RFC1: variants seen among roughly 807,000 people sequenced by gnomAD.
RFC1 encodes A1 140 kDa subunit.
A neutral mutation model predicts 137.4 loss-of-function variants in RFC1; 37 were observed. The ratio of observed to expected loss-of-function variants is 0.27; its 90% CI spans 0.21 to 0.35. The LOEUF (loss-of-function observed/expected upper bound fraction) is 0.35. RFC1 is among the 10% of genes least tolerant of loss of function. The pLI is 1.00. For synonymous variants in RFC1, 429 were observed against 455.7 expected (o/e 0.94, Z 0.75); for missense variants, 1,205 against 1,358.5 (o/e 0.89, Z 1.78).
chr4:39,288,655 T>C lies in RFC1; in HGVS notation c.*106A>G. ...TATAATGGGACACCAGGTCATCCCA[T>C]TATGCTAAAACATGGTTGCTCTGGG... is the stretch of plus-strand genomic sequence containing the variant. On this transcript the variant is annotated 3_prime_UTR_variant, in exon 25 of 25. Coordinates refer to ENST00000349703, the MANE Select transcript of RFC1 (RefSeq NM_002913.5). The C allele has an allele frequency of 1.4e-6, 1 of 736,462 alleles. No homozygotes were observed. 45.6% of individuals were successfully genotyped at this position (736,462 alleles called of 1,614,324 possible).
At position 39,303,155 on chromosome 4, in the gene RFC1, A is replaced by T. The variant is rs1219109264; in HGVS notation, c.2111-4T>A. ...CTTACTGAAGAGGCTGCTCCATCTG[A>T]CCCAGGTTGAGGAGCAATGGGATGA... is the stretch of plus-strand genomic sequence containing the variant. On this transcript the variant is annotated splice_polypyrimidine_tract_variant and splice_region_variant and intron_variant, in intron 15 of 24. Coordinates refer to ENST00000349703, the MANE Select transcript of RFC1 (RefSeq NM_002913.5). 6.2e-7 allele frequency: 1 copy of T among 1,608,024 alleles called. No individual in the cohort carries two copies. The highest frequency in any genetic ancestry group is 1.1e-5 in the South Asian group (1 of 90,980).
intron 22 of RFC1, among the ~76,000 whole-genome samples, chr4:39,294,797 G>A (rs1737892022): frequency 6.6e-6 from 1 of 152,210 alleles, no homozygotes; most frequent in Admixed American, 6.5e-5. Flanking sequence ...GAGGACAGGA[G>A]TTCAAGACCA....
At chr4:39,339,993 T>C (rs756192823) in intron 4 of RFC1, among the ~76,000 whole-genome samples, 21 of 152,364 alleles carry the variant, frequency 1.4e-4, no homozygotes, top group Non-Finnish European at 2.4e-4. Flanking sequence ...TTAATATTTA[T>C]TGAGCATTTA....
chr4:39,342,972 A>G (rs1337170875), intron 3 of RFC1, among the ~76,000 whole-genome samples: 1 of 151,648 alleles, frequency 6.6e-6, no homozygotes, highest in African/African-American at 2.4e-5. Flanking sequence ...CCCTTTTTCT[A>G]CCTCCCTATT....
At chr4:39,344,019 C>T (rs1740730045) in intron 3 of RFC1, among the ~76,000 whole-genome samples, 1 of 151,504 alleles carries the variant, frequency 6.6e-6, no homozygotes, top group Admixed American at 6.6e-5. Context: ...GAGGCTGAGG[C>T]AGGAGAATCG....
intron 10 of RFC1, among the ~76,000 whole-genome samples, chr4:39,315,384 C>T (rs1739188404): frequency 6.6e-6 from 1 of 152,228 alleles, no homozygotes; most frequent in African/African-American, 2.4e-5. Flanking sequence ...TTTTGGTTTC[C>T]ACCCTCTTCT....
At chr4:39,290,111 A>T (rs1737588493) in intron 23 of RFC1, 72 bp from the exon 24 acceptor site, 9 of 1,141,058 alleles carry the variant, frequency 7.9e-6, no homozygotes, top group Non-Finnish European at 1.0e-5. Context: ...CTGTAAGCCT[A>T]AAGAGACCCT....
intron 4 of RFC1, among the ~76,000 whole-genome samples, chr4:39,336,361 A>G (rs531408336): frequency 3.0e-4 from 45 of 152,344 alleles, no homozygotes; most frequent in African/African-American, 9.4e-4. Flanking sequence ...GTTTAGTGAC[A>G]ATGCTATACA....
rs17288069 is a variant in RFC1, at chr4:39,334,631, CA to C, written c.332-6876del. ...ATTCCGCCTCATAGGAAGCCAAAGG[CA>C]AACTATGTTCTCTTCTCCCCAGAAA... On this transcript the variant is annotated intron_variant, in intron 4 of 24. Transcript: ENST00000349703. 2.0e-3 allele frequency among the ~76,000 whole-genome samples: 307 copies of C among 152,266 alleles called. 1 individual carries two copies. Among genetic ancestry groups the C allele is most frequent in the African/African-American group, 7.1e-3 (294 of 41,566 alleles).
intron 1 of RFC1, chr4:39,355,929 G>C (rs1231627891): frequency 6.6e-6 from 1 of 151,424 alleles, no homozygotes; most frequent in East Asian, 1.9e-4. Flanking sequence ...TTGAACCCGG[G>C]AGGTGGAGGC....
chr4:39,324,114 A>G (rs929959831), intron 6 of RFC1, among the ~76,000 whole-genome samples: 4 of 152,224 alleles, frequency 2.6e-5, no homozygotes, highest in Non-Finnish European at 5.9e-5. Flanking sequence ...ATTATAAACC[A>G]AATGGCTGTA....
intron 15 of RFC1, among the ~76,000 whole-genome samples, chr4:39,304,307 C>T (rs930489449): frequency 6.6e-6 from 1 of 152,140 alleles, no homozygotes; most frequent in African/African-American, 2.4e-5. Context: ...ACTACCTTTG[C>T]CTGCAGTGAC....
chr4:39,288,993 C>A (rs1737518932), intron 24 of RFC1, 149 bp from the exon 25 acceptor site: 3 of 627,392 alleles, frequency 4.8e-6, no homozygotes, highest in African/African-American at 1.9e-5. Flanking sequence ...CTACTGCAAC[C>A]CATGAAGCGC....
chr4:39,355,647 A>G (rs978923053), intron 1 of RFC1, among the ~76,000 whole-genome samples: 4 of 152,214 alleles, frequency 2.6e-5, no homozygotes, highest in Admixed American at 6.5e-5. Context: ...GATAATGCCC[A>G]TATCTGTCAA....
chr4:39,303,295 A>AAAT, intron 15 of RFC1, 144 bp from the exon 16 acceptor site: 2 of 581,300 alleles, frequency 3.4e-6, no homozygotes, highest in Non-Finnish European at 3.0e-6. Flanking sequence ...GAGTGTTGTT[A>AAAT]AAGAAAAAAA....
At chr4:39,348,612 G>A (rs1175822403) in intron 2 of RFC1, among the ~76,000 whole-genome samples, 1 of 151,862 alleles carries the variant, frequency 6.6e-6, no homozygotes, top group East Asian at 1.9e-4. Context: ...AATGAAAGAA[G>A]GCTGTCAGAC....
At chr4:39,348,066 C>T (rs528401087) in intron 2 of RFC1, among the ~76,000 whole-genome samples, 1 of 152,198 alleles carries the variant, frequency 6.6e-6, no homozygotes, top group Admixed American at 6.5e-5. Context: ...AGAAACCGGT[C>T]AGCCAAAAGG....
Position 39,366,225 on chromosome 4 carries a change from C to G in RFC1, c.3+14G>C, listed in dbSNP as rs745362625. ...CCCAGACCCCGAGCCGCACGGCCTCCCCCAGCGGCTCACCATCGCAGCCCC... is the reference window on the plus strand; with the variant it reads ...CCCAGACCCCGAGCCGCACGGCCTCGCCCAGCGGCTCACCATCGCAGCCCC... On this transcript the variant is annotated intron_variant, in intron 1 of 24. Transcript: ENST00000349703. The G allele has an allele frequency of 4.6e-5, 72 of 1,553,446 alleles. No homozygotes were observed. The highest frequency in any genetic ancestry group is 5.9e-5 in the Non-Finnish European group (68 of 1,148,498).
intron 4 of RFC1, among the ~76,000 whole-genome samples, chr4:39,328,311 C>G (rs1052398768): frequency 1.3e-5 from 2 of 152,164 alleles, no homozygotes; most frequent in African/African-American, 2.4e-5. Flanking sequence ...ACTTAAGATA[C>G]AGCAGTGAAT....
Sources: gnomAD v4.1 joint callset for allele counts (sites outside exome capture counted in the v4.1 genomes callset) on GRCh38, gnomAD v4.1.1 for gene constraint, MANE v1.5 for transcripts, NCBI Gene and HGNC (gene_info 2026-07-23, HGNC 2026-07-21) for gene names.